Variants in MAP3K15 observed in about 807,000 individuals in gnomAD.
MAP3K15 encodes mitogen-activated protein kinase kinase kinase 15.
MAP3K15 carries 124 observed loss-of-function variants against 99.5 expected under a neutral mutation model. That is an observed-to-expected ratio of 1.25 (90% CI 1.08 to 1.45). The LOEUF is 1.45. MAP3K15 is among the 40% of genes most tolerant of loss of function. The pLI, the probability that MAP3K15 is intolerant of heterozygous loss-of-function variation, is 0.00. For missense variants in MAP3K15, 1,242 were observed against 1,079.7 expected (o/e 1.15, Z -2.11); for synonymous variants, 494 against 439.6 (o/e 1.12, Z -1.55).
chrX:19,398,697 T>C (rs2063585843), intron 14 of MAP3K15, among the ~76,000 whole-genome samples: 1 of 112,252 alleles, frequency 8.9e-6, no homozygotes, highest in Admixed American at 9.5e-5. Context: ...CCCAACTAGG[T>C]GTCTTCCTGC....
At chrX:19,398,818 C>T (rs1228009384) in intron 14 of MAP3K15, among the ~76,000 whole-genome samples, 1 of 111,096 alleles carries the variant, frequency 9.0e-6, no homozygotes, top group African/African-American at 3.3e-5. Flanking sequence ...TATGCTGGGG[C>T]TTCCCCACTC....
intron 1 of MAP3K15, among the ~76,000 whole-genome samples, chrX:19,506,177 A>G (rs1302864400): frequency 2.7e-5 from 3 of 111,682 alleles, no homozygotes; most frequent in African/African-American, 9.8e-5. Flanking sequence ...CAGGTGATCC[A>G]CCCACCTTGG....
At chrX:19,486,420 T>C in intron 3 of MAP3K15, 62 bp downstream of exon 3, 1 of 520,833 alleles carries the variant, frequency 1.9e-6, no homozygotes, top group Non-Finnish European at 2.9e-6. Context: ...CAGGCAAGCA[T>C]TTTACAAATT....
rs778207227 is a variant in MAP3K15, at chrX:19,360,178, C to G, written c.*571G>C. On this transcript the variant is annotated 3_prime_UTR_variant, in exon 29 of 29. Transcript: ENST00000338883. ...CACATAACTTAGTTTTCTCTACTTA[C>G]ACATTCAGTATAAATATGAAGCTAT... 566 of 148,505 alleles carry G rather than the reference C, an allele frequency of 3.8e-3. 1 individual carries two copies. Among genetic ancestry groups the G allele is most frequent in the Non-Finnish European group, 5.3e-3 (403 of 76,165 alleles). The allele number at this position is 148,505 out of a possible 1,213,427, so 12.2% of individuals were successfully genotyped here.
At position 19,373,617 on chromosome X, in the gene MAP3K15, A is replaced by G; in HGVS notation, c.2852T>C (p.Val951Ala). Reference sequence around the variant, plus strand: ...AGGCTGGGCGTCGGAGTCTGGGGAGACAGAGCCGTGCTCGCTGCTGCTGGT... The same window carrying G: ...AGGCTGGGCGTCGGAGTCTGGGGAGGCAGAGCCGTGCTCGCTGCTGCTGGT... ...MATSSSEHGS[V>A]SPDSDAQPDA... The change falls in exon 21 of 29, where the codon GTC becomes GCC. Residue 951 changes from valine (V) to alanine (A), a missense_variant. Transcript: ENST00000338883. 2 of 1,194,172 alleles carry G rather than the reference A, an allele frequency of 1.7e-6. No homozygotes were observed. Among genetic ancestry groups the G allele is most frequent in the Non-Finnish European group, 2.3e-6 (2 of 888,282 alleles).
intron 21 of MAP3K15, 94 bp from the exon 22 acceptor site, chrX:19,372,921 G>A: frequency 3.4e-6 from 3 of 878,699 alleles, no homozygotes; most frequent in Non-Finnish European, 3.2e-6. Context: ...GGGCTGAGAG[G>A]TAACTGCGAT....
intron 25 of MAP3K15, among the ~76,000 whole-genome samples, chrX:19,364,924 C>T (rs1249394498): frequency 3.0e-5 from 3 of 100,500 alleles, no homozygotes; most frequent in African/African-American, 4.1e-5. Flanking sequence ...ATTCTTTGGG[C>T]TGGGCGCAGT....
chrX:19,512,642 CTTTTT>C (rs896407684), intron 1 of MAP3K15, among the ~76,000 whole-genome samples: 11 of 71,216 alleles, frequency 1.5e-4, no homozygotes, highest in Non-Finnish European at 2.0e-4. Flanking sequence ...CCACATCCTG[CTTTTT>C]TTTTTTTTTT....
intron 6 of MAP3K15, among the ~76,000 whole-genome samples, chrX:19,435,439 T>A (rs1277780115): frequency 9.0e-6 from 1 of 111,353 alleles, no homozygotes; most frequent in Non-Finnish European, 1.9e-5. Context: ...TTGCCCAAGC[T>A]AATGCCTAAT....
chrX:19,370,627 C>T (rs1160503934), intron 24 of MAP3K15, among the ~76,000 whole-genome samples: 2 of 109,299 alleles, frequency 1.8e-5, no homozygotes, highest in Non-Finnish European at 3.8e-5. Flanking sequence ...GAACTCCTGA[C>T]CTCAGCTGAT....
intron 7 of MAP3K15, among the ~76,000 whole-genome samples, chrX:19,430,627 T>C (rs934293624): frequency 1.8e-5 from 2 of 111,469 alleles, no homozygotes; most frequent in Non-Finnish European, 3.8e-5. Flanking sequence ...GTCACTCCTC[T>C]GCTCAAACCC....
intron 15 of MAP3K15, 77 bp from the exon 16 acceptor site, chrX:19,395,285 T>C (rs2063560870): frequency 4.0e-6 from 4 of 989,123 alleles, no homozygotes; most frequent in Non-Finnish European, 5.6e-6. Context: ...CACCAGGACC[T>C]GCCCCACTGC....
chrX:19,374,779 C>T, intron 19 of MAP3K15, 119 bp from the exon 20 acceptor site: 3 of 607,542 alleles, frequency 4.9e-6, no homozygotes, highest in Admixed American at 7.1e-5. Context: ...AATCCATGCC[C>T]CCTTGCAACG....
intron 24 of MAP3K15, among the ~76,000 whole-genome samples, chrX:19,369,482 A>G (rs1401204276): frequency 8.9e-6 from 1 of 112,309 alleles, no homozygotes; most frequent in African/African-American, 3.2e-5. Flanking sequence ...TTCAAAAGGT[A>G]CAACCAGGCC....
Position 19,392,411 on chromosome X carries a change from A to G in MAP3K15, c.2257T>C (p.Tyr753His), listed in dbSNP as rs1390254867. ...GPMKEPTIKFYTKQILEGLKY... is the reference protein window; with the variant it reads ...GPMKEPTIKFHTKQILEGLKY... ...AGGCCCTCCAGGATCTGTTTGGTGT[A>G]AAACTTGATTGTCGGTTCCTTCATC... The change falls in exon 17 of 29, where the codon TAC becomes CAC. Residue 753 changes from tyrosine (Y) to histidine (H), a missense_variant. Physicochemically the swap from Tyr to His is moderately conservative, Grantham distance 83. Coordinates refer to ENST00000338883, the MANE Select transcript of MAP3K15 (RefSeq NM_001001671.4). The G allele has an allele frequency of 8.3e-7, 1 of 1,209,020 alleles. No homozygotes were observed. The highest frequency in any genetic ancestry group is 1.1e-6 in the Non-Finnish European group (1 of 894,448).
intron 19 of MAP3K15, chrX:19,376,965 C>T (rs893718983): frequency 1.6e-4 from 18 of 111,504 alleles, no homozygotes; most frequent in Admixed American, 9.5e-5. Flanking sequence ...AACCCATTTT[C>T]ATTTGATTTT....
intron 6 of MAP3K15, among the ~76,000 whole-genome samples, chrX:19,441,701 G>A (rs993043216): frequency 4.5e-5 from 5 of 111,705 alleles, no homozygotes; most frequent in South Asian, 3.8e-4. Context: ...CAAGCCATCC[G>A]CCTGCCTTGG....
intron 5 of MAP3K15, among the ~76,000 whole-genome samples, chrX:19,458,042 C>T (rs757035971): frequency 1.2e-4 from 14 of 112,310 alleles, no homozygotes; most frequent in Admixed American, 1.1e-3. Context: ...TTAGCAGTGC[C>T]GCCTGTTACT....
At chrX:19,434,156 T>C (rs1469944896) in intron 6 of MAP3K15, among the ~76,000 whole-genome samples, 1 of 112,115 alleles carries the variant, frequency 8.9e-6, no homozygotes, top group Non-Finnish European at 1.9e-5. Flanking sequence ...AAGGTGGTCC[T>C]GGGTATATTT....
Sources: gnomAD v4.1 joint callset for allele counts (sites outside exome capture counted in the v4.1 genomes callset) on GRCh38, gnomAD v4.1.1 for gene constraint, MANE v1.5 for transcripts, NCBI Gene and HGNC (gene_info 2026-07-23, HGNC 2026-07-21) for gene names.